Variants in PCDH15 observed in about 807,000 individuals in gnomAD.
PCDH15 encodes protocadherin-15.
A neutral mutation model predicts 178.5 loss-of-function variants in PCDH15; 129 were observed. That is an observed-to-expected ratio of 0.72 (90% CI 0.63 to 0.84). The LOEUF (loss-of-function observed/expected upper bound fraction) is 0.84. Among genes scored for constraint, PCDH15 ranks in the 40% least tolerant of loss-of-function variants. The probability of loss-of-function intolerance (pLI) is 0.00; values close to 1 mark genes in which losing one functional copy is unlikely to be tolerated. For missense variants in PCDH15, 2,230 were observed against 2,099.9 expected (o/e 1.06, Z -1.21); for synonymous variants, 800 against 732.0 (o/e 1.09, Z -1.50).
rs1450706573 is a variant in PCDH15 at position 54,497,483 on chromosome 10, A to T, written c.157+30329T>A. Among the ~76,000 whole-genome samples, 5 of 152,220 alleles carry T rather than the reference A, an allele frequency of 3.3e-5. No homozygotes were observed. In the East Asian group the frequency reaches 7.8e-4, roughly 24 times the overall value. The stretch of plus-strand genomic sequence containing the variant: ...TAAAATGACAGACATAGAATTTGGA[A>T]TCTCGATGACATGTAACCTCAGGAA... On this transcript the variant is annotated intron_variant, in intron 3 of 37. Coordinates refer to ENST00000644397, the MANE Select transcript of PCDH15 (RefSeq NM_001384140.1).
At chr10:55,477,232 T>C (rs1378384696) in intron 2 of PCDH15, among the ~76,000 whole-genome samples, 1 of 151,762 alleles carries the variant, frequency 6.6e-6, no homozygotes, top group African/African-American at 2.4e-5. Context: ...AAGCATTTGG[T>C]TGTAAAAGAG....
In PCDH15 at chr10:54,584,735, T is replaced by C. The variant is rs79204869; in HGVS notation, c.92-56858A>G. On this transcript the variant is annotated intron_variant, in intron 2 of 37. Coordinates refer to ENST00000644397, the MANE Select transcript of PCDH15 (RefSeq NM_001384140.1). ...TTCCATTCAGTATCTCTCTGCTGTG[T>C]AGGAAGCATAACTGTGCTGAGTTCT... Among the ~76,000 whole-genome samples the C allele has an allele frequency of 6.1e-3, 923 of 152,218 alleles. 10 individuals are homozygous for C. The highest frequency in any genetic ancestry group is 0.021 in the African/African-American group (888 of 41,542).
At position 54,627,514 on chromosome 10, in the gene PCDH15, G is replaced by A. The variant is rs954584233; in HGVS notation, c.91+36658C>T. On this transcript the variant is annotated intron_variant, in intron 2 of 37. Transcript: ENST00000644397. ...TGCTGCCATCCACATAAGATGTGACGTGCTCCTCCTTGCCTTCCACCACAA... is the reference window on the plus strand; with the variant it reads ...TGCTGCCATCCACATAAGATGTGACATGCTCCTCCTTGCCTTCCACCACAA... Among the ~76,000 whole-genome samples, 11 of 152,234 alleles carry A rather than the reference G, an allele frequency of 7.2e-5. No homozygotes were observed. In the East Asian group the frequency reaches 2.1e-3, roughly 29 times the overall value.
chr10:54,874,518 A>G (rs1715608556), intron 3 of PCDH15, among the ~76,000 whole-genome samples: 1 of 152,152 alleles, frequency 6.6e-6, no homozygotes, highest in Admixed American at 6.6e-5. Context: ...CTTCATGTCT[A>G]AAACACCAAA....
At chr10:53,849,875 A>G (rs986332392) in intron 28 of PCDH15, among the ~76,000 whole-genome samples, 3 of 150,474 alleles carry the variant, frequency 2.0e-5, no homozygotes, top group South Asian at 2.1e-4. Flanking sequence ...AAAAAAAAAA[A>G]AAAAAAAAGA....
At chr10:54,314,734 C>T (rs1235854413) in intron 8 of PCDH15, among the ~76,000 whole-genome samples, 5 of 151,916 alleles carry the variant, frequency 3.3e-5, no homozygotes, top group Non-Finnish European at 7.4e-5. Flanking sequence ...TCTCTTCCTT[C>T]TGTTCATGAG....
At position 54,647,312 on chromosome 10, in the gene PCDH15, A is replaced by C. The variant is rs564667184; in HGVS notation, c.91+16860T>G. On this transcript the variant is annotated intron_variant, in intron 2 of 37. Coordinates refer to ENST00000644397, the MANE Select transcript of PCDH15 (RefSeq NM_001384140.1). ...CTAAAGTAGTGAAACTCACAGAAGC[A>C]AAGAATAGACTGGTGCCAGGGGAAA... Among the ~76,000 whole-genome samples the C allele has an allele frequency of 1.8e-4, 28 of 152,236 alleles. 1 individual carries two copies. The South Asian group carries it at 5.8e-3, about 31-fold the overall frequency.
chr10:55,063,356 C>G (rs968679480), intron 2 of PCDH15, among the ~76,000 whole-genome samples: 1 of 152,068 alleles, frequency 6.6e-6, no homozygotes, highest in Non-Finnish European at 1.5e-5. Context: ...CATTCCTAAT[C>G]TCTCTATTTT....
chr10:54,656,557 A>G (rs1053745234), intron 2 of PCDH15, among the ~76,000 whole-genome samples: 1 of 152,164 alleles, frequency 6.6e-6, no homozygotes, highest in East Asian at 1.9e-4. Flanking sequence ...CTAGTTGTGT[A>G]CACATAGTGG....
intron 1 of PCDH15, among the ~76,000 whole-genome samples, chr10:55,227,097 GATAT>G (rs1444963430): frequency 6.6e-6 from 1 of 151,724 alleles, no homozygotes; most frequent in Non-Finnish European, 1.5e-5. Flanking sequence ...GAAAAAATAA[GATAT>G]ATGTATATAT....
chr10:55,169,604 C>G (rs984773052), intron 1 of PCDH15, among the ~76,000 whole-genome samples: 2 of 152,120 alleles, frequency 1.3e-5, no homozygotes, highest in African/African-American at 4.8e-5. Context: ...TTCATAACCA[C>G]TATCCACAAA....
At chr10:54,847,408 T>C (rs1381098969) in intron 3 of PCDH15, among the ~76,000 whole-genome samples, 2 of 152,160 alleles carry the variant, frequency 1.3e-5, no homozygotes, top group Non-Finnish European at 1.5e-5. Flanking sequence ...ACAATTATAT[T>C]GTTCTTTTAT....
chr10:55,566,069 G>A (rs1308722121), intron 2 of PCDH15, among the ~76,000 whole-genome samples: 6 of 151,448 alleles, frequency 4.0e-5, no homozygotes, highest in Admixed American at 3.3e-4. Flanking sequence ...AGCAAAACAA[G>A]TTATTAAGCA....
chr10:53,951,498 T>G (rs1333260690), intron 23 of PCDH15, among the ~76,000 whole-genome samples: 1 of 152,162 alleles, frequency 6.6e-6, no homozygotes, highest in African/African-American at 2.4e-5. Flanking sequence ...GCATGCAAAT[T>G]CTAAGACACT....
intron 3 of PCDH15, among the ~76,000 whole-genome samples, chr10:54,846,659 C>T (rs761468528): frequency 2.6e-5 from 4 of 151,804 alleles, no homozygotes; most frequent in East Asian, 3.9e-4. Flanking sequence ...ATAGGAATTG[C>T]GAGGAAAGGA....
chr10:54,053,201 T>C (rs1828183871), intron 18 of PCDH15, among the ~76,000 whole-genome samples: 2 of 152,196 alleles, frequency 1.3e-5, no homozygotes, highest in Admixed American at 6.5e-5. Flanking sequence ...TCAAGAGAAC[T>C]TATTTATGTG....
chr10:55,538,881 CCTTCCT>C lies in PCDH15; in HGVS notation c.-156+88738_-156+88743del, dbSNP rs1841683062. On this transcript the variant is annotated intron_variant, in intron 2 of 5. Coordinates refer to the PCDH15 transcript ENST00000613346. ...TCCTTCCTCCTTTCCTTCCTTCCTC[CCTTCCT>C]TCCTTTCCTTCCTTCCTTCCTCCTT... 9.5e-5 allele frequency among the ~76,000 whole-genome samples: 5 copies of C among 52,474 alleles called. 1 individual carries two copies. Among genetic ancestry groups the C allele is most frequent in the African/African-American group, 4.3e-4 (5 of 11,726 alleles). 34.4% of individuals were successfully genotyped at this position (52,474 alleles called of 152,430 possible).
chr10:54,946,194 A>T (rs1838193845), intron 2 of PCDH15, among the ~76,000 whole-genome samples: 2 of 151,886 alleles, frequency 1.3e-5, no homozygotes, highest in Admixed American at 6.6e-5. Flanking sequence ...AAACTGTGAT[A>T]TGAGTGGTAT....
intron 3 of PCDH15, among the ~76,000 whole-genome samples, chr10:54,417,316 A>T (rs1954580543): frequency 6.6e-6 from 1 of 152,148 alleles, no homozygotes; most frequent in Non-Finnish European, 1.5e-5. Flanking sequence ...AATTTTTTTT[A>T]AATACTGGGA....
Sources: gnomAD v4.1 joint callset for allele counts (sites outside exome capture counted in the v4.1 genomes callset) on GRCh38, gnomAD v4.1.1 for gene constraint, MANE v1.5 for transcripts, NCBI Gene and HGNC (gene_info 2026-07-23, HGNC 2026-07-21) for gene names.